CCDC13: variants seen among roughly 807,000 people sequenced by gnomAD.
CCDC13 encodes coiled-coil domain containing 13.
A neutral mutation model predicts 87.3 loss-of-function variants in CCDC13; 70 were observed. That is an observed-to-expected ratio of 0.80 (90% CI 0.66 to 0.98). The LOEUF (loss-of-function observed/expected upper bound fraction) is 0.98, where lower values mean the gene tolerates loss of function less well. CCDC13 is among the 50% of genes least tolerant of loss of function. The pLI is 0.00. For missense variants in CCDC13, 842 were observed against 892.0 expected (o/e 0.94, Z 0.71); for synonymous variants, 317 against 360.3 (o/e 0.88, Z 1.36).
chr3:42,707,304 T>C lies in CCDC13; in HGVS notation c.*1676A>G, dbSNP rs1453683701. On this transcript the variant is annotated 3_prime_UTR_variant, in exon 16 of 16. Transcript: ENST00000310232. The stretch of plus-strand genomic sequence containing the variant: ...CTCTCCTGGCTCTCTGCCTGGCCGT[T>C]TTCCTTCACAAGGAACCAGAGAAAA... Among the ~76,000 whole-genome samples, 1 of 152,138 alleles carries C rather than the reference T, an allele frequency of 6.6e-6. No individual in the cohort carries two copies. The highest frequency in any genetic ancestry group is 6.5e-5 in the Admixed American group (1 of 15,272).
At chr3:42,724,185 G>A (rs1024565478) in intron 13 of CCDC13, among the ~76,000 whole-genome samples, 2 of 152,212 alleles carry the variant, frequency 1.3e-5, no homozygotes, top group Non-Finnish European at 2.9e-5. Flanking sequence ...ACCACATTGT[G>A]AATTCCCACA....
intron 8 of CCDC13, among the ~76,000 whole-genome samples, chr3:42,742,187 C>T (rs1007110262): frequency 2.6e-5 from 4 of 152,218 alleles, no homozygotes; most frequent in Admixed American, 6.5e-5. Flanking sequence ...CTCTTGGCTA[C>T]AGTGATGGGC....
At chr3:42,735,581 TG>T in intron 10 of CCDC13, 125 bp downstream of exon 10, 2 of 942,614 alleles carry the variant, frequency 2.1e-6, no homozygotes, top group Non-Finnish European at 3.3e-6. Flanking sequence ...TAGAAGCAGG[TG>T]GCCAAAGTGG....
chr3:42,730,558 G>A lies in CCDC13; in HGVS notation c.1627C>T (p.Gln543Ter). 1 of 1,614,166 alleles carries A rather than the reference G, an allele frequency of 6.2e-7. No individual in the cohort carries two copies. Among genetic ancestry groups the A allele is most frequent in the Non-Finnish European group, 8.5e-7 (1 of 1,180,002 alleles). Residue 543 changes from glutamine to a stop codon, truncating the protein, a stop_gained, in exon 13 of 16, where the codon CAG (glutamine) becomes TAG (stop). Coordinates refer to ENST00000310232, the MANE Select transcript of CCDC13 (RefSeq NM_144719.4). LOFTEE classifies it high-confidence loss of function. ...FSDSPEQKGWQAQVSEIKALW... is the reference protein window; with the variant it reads ...FSDSPEQKGW Reference sequence around the variant, plus strand: ...GCCTTGATCTCTGACACTTGTGCCTGCCAGCCTTTTTGTTCTGGGGAGTCC... The same window carrying A: ...GCCTTGATCTCTGACACTTGTGCCTACCAGCCTTTTTGTTCTGGGGAGTCC...
At chr3:42,771,069 C>T (rs1173582232) in intron 1 of CCDC13, 1 of 152,150 alleles carries the variant, frequency 6.6e-6, no homozygotes, top group African/African-American at 2.4e-5. Flanking sequence ...ACAAGATGTA[C>T]TTCAATAGGT....
intron 13 of CCDC13, among the ~76,000 whole-genome samples, chr3:42,727,241 T>C (rs1232116173): frequency 1.3e-5 from 2 of 151,832 alleles, no homozygotes; most frequent in Non-Finnish European, 2.9e-5. Flanking sequence ...GCGTAGTGGC[T>C]CACACCTGTA....
At chr3:42,752,515 G>A in intron 4 of CCDC13, 60 bp downstream of exon 4, 2 of 1,602,200 alleles carry the variant, frequency 1.2e-6, no homozygotes, top group Non-Finnish European at 8.5e-7. Context: ...AAGCTAGGGA[G>A]GTTCCCTCTT....
chr3:42,715,146 A>C, intron 13 of CCDC13, among the ~76,000 whole-genome samples: 1 of 138,706 alleles, frequency 7.2e-6, no homozygotes, highest in African/African-American at 3.3e-5. Flanking sequence ...AAAATACAAA[A>C]AAAAAAAAAA....
Position 42,739,682 on chromosome 3 carries a change from G to C in CCDC13, c.1116C>G (p.Thr372=). 1 of 1,614,146 alleles carries C rather than the reference G, an allele frequency of 6.2e-7. No individual in the cohort carries two copies. Among genetic ancestry groups the C allele is most frequent in the South Asian group, 1.1e-5 (1 of 91,076 alleles). ...CATCATGCCGGCCCTTCTCCACCAG[G>C]GTTCCCATCTGACTCTTGAGGGTCT... ...EMKTLKSQMG[T]LVEKGRHDDE... The change falls in exon 9 of 16, where the codon ACC becomes ACG. Residue 372 remains threonine (T), a synonymous_variant. Transcript: ENST00000310232.
intron 9 of CCDC13, among the ~76,000 whole-genome samples, chr3:42,737,081 A>G (rs1214230247): frequency 6.8e-6 from 1 of 147,098 alleles, no homozygotes; most frequent in East Asian, 2.1e-4. Flanking sequence ...ACCCACCGAC[A>G]GGCCCTGGTG....
chr3:42,718,873 C>T (rs908419672), intron 13 of CCDC13: 3 of 152,058 alleles, frequency 2.0e-5, no homozygotes, highest in African/African-American at 7.2e-5. Context: ...TACATAAACC[C>T]AGGTAAAGGA....
intron 13 of CCDC13, chr3:42,719,514 C>T (rs9877691): frequency 0.023 from 3,434 of 152,028 alleles, 127 homozygotes; most frequent in African/African-American, 0.077. Flanking sequence ...TAAGCTGCAG[C>T]GAATCTGGTG....
At chr3:42,758,979 G>A (rs1385669527) in intron 1 of CCDC13, among the ~76,000 whole-genome samples, 1 of 152,066 alleles carries the variant, frequency 6.6e-6, no homozygotes, top group Non-Finnish European at 1.5e-5. Flanking sequence ...GATTAATTTT[G>A]TCTGGTTTCT....
chr3:42,766,234 T>C (rs944151635), intron 1 of CCDC13, among the ~76,000 whole-genome samples: 3 of 151,908 alleles, frequency 2.0e-5, no homozygotes, highest in Non-Finnish European at 4.4e-5. Context: ...GGTGGGCAGC[T>C]GGCTGGCTGA....
Position 42,713,244 on chromosome 3 carries a change from C to T in CCDC13, c.1791G>A (p.Val597=), listed in dbSNP as rs755931457. The T allele has an allele frequency of 4.3e-6, 7 of 1,614,074 alleles. No homozygotes were observed. The African/African-American group carries it at 8.0e-5, about 18-fold the overall frequency. Residue 597 remains valine, a synonymous_variant, in exon 14 of 16, where the codon GTG becomes GTA. Transcript: ENST00000310232. ...KLQEERHRTV[V]LEQHLEKIRL... ...GTATCTTCTCCAGATGTTGCTCCAG[C>T]ACCACGGTGCGGTGTCGCTCCTCCT... is the stretch of plus-strand genomic sequence containing the variant.
intron 3 of CCDC13, among the ~76,000 whole-genome samples, chr3:42,755,337 G>T (rs577622127): frequency 6.6e-6 from 1 of 152,176 alleles, no homozygotes; most frequent in Admixed American, 6.5e-5. Context: ...GGCCAGTCGC[G>T]GTGGCTCACA....
chr3:42,772,975 G>C (rs1039296226), intron 1 of CCDC13, among the ~76,000 whole-genome samples: 9 of 152,204 alleles, frequency 5.9e-5, no homozygotes, highest in Non-Finnish European at 1.3e-4. Flanking sequence ...ATAAGCGTCT[G>C]CCTGGGTTAG....
Position 42,713,282 on chromosome 3 carries a change from C to CT in CCDC13, c.1752dup (p.Glu585ArgfsTer46). The CT allele has an allele frequency of 6.2e-7, 1 of 1,614,138 alleles. No individual in the cohort carries two copies. The highest frequency in any genetic ancestry group is 8.5e-7 in the Non-Finnish European group (1 of 1,180,016). ...TGTCGCTCCTCCTGCAGCTTCCTCT[C>CT]TGACTCCAGGAGCTTGCTGTTGCTC... On this transcript the variant is annotated frameshift_variant, in exon 14 of 16. Transcript: ENST00000310232. LOFTEE classifies it high-confidence loss of function.
chr3:42,741,812 G>C (rs1166134742), intron 8 of CCDC13, among the ~76,000 whole-genome samples: 1 of 152,206 alleles, frequency 6.6e-6, no homozygotes, highest in Non-Finnish European at 1.5e-5. Flanking sequence ...GGCATACAAA[G>C]CCCAGCAGGC....
Sources: gnomAD v4.1 joint callset for allele counts (sites outside exome capture counted in the v4.1 genomes callset) on GRCh38, gnomAD v4.1.1 for gene constraint, MANE v1.5 for transcripts, NCBI Gene and HGNC (gene_info 2026-07-23, HGNC 2026-07-21) for gene names.